CLVS1: variants seen among roughly 807,000 people sequenced by gnomAD.
CLVS1 encodes clavesin-1.
A neutral mutation model predicts 33.1 loss-of-function variants in CLVS1; 10 were observed. That is an observed-to-expected ratio of 0.30 (90% confidence interval 0.19 to 0.51). The LOEUF (loss-of-function observed/expected upper bound fraction) is 0.51. Among genes scored for constraint, CLVS1 ranks in the 20% least tolerant of loss-of-function variants. CLVS1 has a pLI of 0.97. For synonymous variants in CLVS1, 163 were observed against 166.1 expected (o/e 0.98, Z 0.14); for missense variants, 343 against 433.4 (o/e 0.79, Z 1.85).
At chr8:61,308,877 C>G (rs1431191570) in intron 2 of CLVS1, among the ~76,000 whole-genome samples, 2 of 152,214 alleles carry the variant, frequency 1.3e-5, no homozygotes, top group African/African-American at 4.8e-5. Flanking sequence ...TGCTTTCCCA[C>G]TAAGTCCTAC....
the CLVS1 span, among the ~76,000 whole-genome samples, chr8:60,972,520 C>T: frequency 6.6e-6 from 1 of 152,162 alleles, no homozygotes. Flanking sequence ...TGATTACCAG[C>T]CATTATTCTG....
At position 61,116,022 on chromosome 8, in the gene CLVS1, C is replaced by T. The variant is rs536880940; in HGVS notation, c.-242-15748C>T. 3.1e-3 allele frequency among the ~76,000 whole-genome samples: 465 copies of T among 148,830 alleles called. 3 individuals are homozygous for T. The highest frequency in any genetic ancestry group is 0.011 in the African/African-American group (439 of 39,712). On this transcript the variant is annotated intron_variant, in intron 1 of 2. Transcript: ENST00000522621. ...TAAAAGTGTTCCTATTTCTCCACATCCTCTCCAGCACCTGTTGTTTCCTGA... is the reference window on the plus strand; with the variant it reads ...TAAAAGTGTTCCTATTTCTCCACATTCTCTCCAGCACCTGTTGTTTCCTGA...
the CLVS1 span, among the ~76,000 whole-genome samples, chr8:61,009,304 C>T: frequency 6.6e-6 from 1 of 152,124 alleles, no homozygotes; most frequent in African/African-American, 2.4e-5. Flanking sequence ...CATGCCAACA[C>T]ACCAGGCTAA....
the CLVS1 span, among the ~76,000 whole-genome samples, chr8:60,991,337 T>C: frequency 6.6e-6 from 1 of 152,190 alleles, no homozygotes; most frequent in Non-Finnish European, 1.5e-5. Context: ...CATGTAAAAC[T>C]GAAAAATTGT....
chr8:61,356,725 A>C (rs572851829), intron 2 of CLVS1, among the ~76,000 whole-genome samples: 2 of 152,182 alleles, frequency 1.3e-5, no homozygotes, highest in Non-Finnish European at 2.9e-5. Context: ...AGATAGTTGT[A>C]GATGTGCGGC....
At chr8:61,334,939 T>C (rs938231517) in intron 2 of CLVS1, among the ~76,000 whole-genome samples, 2 of 152,092 alleles carry the variant, frequency 1.3e-5, no homozygotes, top group African/African-American at 4.8e-5. Flanking sequence ...TCTCTGAGCA[T>C]TTGGGAGGGG....
At chr8:61,054,942 G>T (rs1563386230), upstream of CLVS1, among the ~76,000 whole-genome samples, 1 of 152,080 alleles carries the variant, frequency 6.6e-6, no homozygotes, top group Non-Finnish European at 1.5e-5. Context: ...AATCCCTTTT[G>T]TCCAAAATCA....
chr8:61,128,712 G>A (rs746195076), intron 1 of CLVS1, among the ~76,000 whole-genome samples: 12 of 152,326 alleles, frequency 7.9e-5, no homozygotes, highest in Middle Eastern at 3.4e-3. Context: ...ATGTGAAGAT[G>A]CCTTTGCATT....
intron 2 of CLVS1, among the ~76,000 whole-genome samples, chr8:61,342,786 G>A (rs1414823330): frequency 2.0e-5 from 3 of 152,188 alleles, no homozygotes; most frequent in Non-Finnish European, 4.4e-5. Context: ...GACATTCTGA[G>A]GCCTTTAGGA....
chr8:61,205,114 A>G (rs1807812709), intron 2 of CLVS1, among the ~76,000 whole-genome samples: 1 of 152,234 alleles, frequency 6.6e-6, no homozygotes, highest in Non-Finnish European at 1.5e-5. Context: ...AAAAATTTTA[A>G]AAAAATATTT....
chr8:61,362,081 C>A (rs1813002741), intron 2 of CLVS1, among the ~76,000 whole-genome samples: 1 of 152,126 alleles, frequency 6.6e-6, no homozygotes, highest in Admixed American at 6.6e-5. Flanking sequence ...TAGCAGAGTT[C>A]TTTGCTAAAA....
At chr8:61,086,444 A>C (rs62524480) in intron 1 of CLVS1, among the ~76,000 whole-genome samples, 18,089 of 152,180 alleles carry the variant, frequency 0.12, 1,332 homozygotes, top group East Asian at 0.23. Flanking sequence ...ACATTTTCCA[A>C]ATATTGCAAA....
chr8:61,283,520 T>C (rs962825783), upstream of CLVS1, among the ~76,000 whole-genome samples: 5 of 152,202 alleles, frequency 3.3e-5, no homozygotes, highest in East Asian at 7.7e-4. Context: ...CTTATACTGG[T>C]CAATGGGTTA....
intron 3 of CLVS1, among the ~76,000 whole-genome samples, chr8:61,435,924 GA>G (rs1024326105): frequency 6.0e-5 from 9 of 150,834 alleles, no homozygotes; most frequent in East Asian, 1.9e-4. Context: ...GTTCATTGCA[GA>G]AAAAAAAATT....
At position 61,376,381 on chromosome 8, in the gene CLVS1, T is replaced by C. The variant is rs1223513106; in HGVS notation, c.456-224T>C. Among the ~76,000 whole-genome samples, 3 of 152,108 alleles carry C rather than the reference T, an allele frequency of 2.0e-5. No individual in the cohort carries two copies. The East Asian group carries it at 5.8e-4, about 29-fold the overall frequency. ...CACAGAAGAGGGACATCTCATTAAG[T>C]TTGGGGTGCAGAGCCAAGGGAGGTG... On this transcript the variant is annotated intron_variant, in intron 2 of 5. Coordinates refer to ENST00000325897, the MANE Select transcript of CLVS1 (RefSeq NM_173519.3).
chr8:61,003,691 T>C, the CLVS1 span, among the ~76,000 whole-genome samples: 1 of 152,200 alleles, frequency 6.6e-6, no homozygotes. Context: ...GACCAAACAT[T>C]ATGACTGTTT....
chr8:61,435,088 C>T (rs1039496166), intron 3 of CLVS1, among the ~76,000 whole-genome samples: 2 of 152,118 alleles, frequency 1.3e-5, no homozygotes, highest in Non-Finnish European at 2.9e-5. Flanking sequence ...TCCCTAGATC[C>T]CTTAGGTAGG....
At chr8:61,197,191 G>C (rs1165082997) in intron 2 of CLVS1, among the ~76,000 whole-genome samples, 2 of 152,088 alleles carry the variant, frequency 1.3e-5, no homozygotes, top group Admixed American at 1.3e-4. Flanking sequence ...ATTTTTATTT[G>C]ATTTTTGTAT....
At chr8:61,172,889 T>C (rs1211715916) in intron 2 of CLVS1, among the ~76,000 whole-genome samples, 1 of 152,198 alleles carries the variant, frequency 6.6e-6, no homozygotes, top group Admixed American at 6.5e-5. Flanking sequence ...GATTTTTCCA[T>C]GAGGCATTTC....
Sources: allele counts gnomAD v4.1 joint callset (sites outside exome capture counted in the v4.1 genomes callset), GRCh38; gene constraint gnomAD v4.1.1; transcripts MANE v1.5; gene names NCBI Gene and HGNC (gene_info 2026-07-23, HGNC 2026-07-21).